The following GABRB1 variants were observed in gnomAD, a reference collection of about 807,000 sequenced individuals.
GABRB1 encodes the protein gamma-aminobutyric acid receptor subunit beta-1.
Under a neutral mutation model 51.6 loss-of-function variants are expected in GABRB1, and 17 were observed. The ratio of observed to expected loss-of-function variants is 0.33; its 90% CI spans 0.23 to 0.49. GABRB1 has a LOEUF of 0.49. Ranked by LOEUF, GABRB1 falls within the 20% of genes least tolerant of loss-of-function variation. The pLI, the probability that GABRB1 is intolerant of heterozygous loss-of-function variation, is 0.99. For synonymous variants in GABRB1, 247 were observed against 218.9 expected (o/e 1.13, Z -1.14); for missense variants, 410 against 600.6 (o/e 0.68, Z 3.32).
intron 1 of GABRB1, among the ~76,000 whole-genome samples, chr4:47,008,138 G>T (rs1363059203): frequency 1.3e-5 from 2 of 152,012 alleles, no homozygotes; most frequent in South Asian, 2.1e-4. Flanking sequence ...GTTGGTATTT[G>T]TTAGCAAGAA....
chr4:47,187,654 A>T (rs1719241055), intron 4 of GABRB1, among the ~76,000 whole-genome samples: 1 of 151,902 alleles, frequency 6.6e-6, no homozygotes, highest in South Asian at 2.1e-4. Flanking sequence ...GAGAAGTTAA[A>T]CCGTGTCACT....
In GABRB1 at chr4:47,037,721, T is replaced by C. The variant is rs148746891; in HGVS notation, c.240+5237T>C. On this transcript the variant is annotated intron_variant, in intron 3 of 8. Transcript: ENST00000295454. ...ATAGTAACTTACTGAACATTTTCCA[T>C]ATGTGAGGTATGGTTATCAGTGCTT... Among the ~76,000 whole-genome samples, 753 of 152,302 alleles carry C rather than the reference T, an allele frequency of 4.9e-3. 5 individuals carry two copies. The highest frequency in any genetic ancestry group is 0.014 in the Middle Eastern group (4 of 294).
At chr4:47,379,023 T>G (rs568999546) in intron 5 of GABRB1, among the ~76,000 whole-genome samples, 1 of 152,190 alleles carries the variant, frequency 6.6e-6, no homozygotes, top group Non-Finnish European at 1.5e-5. Flanking sequence ...TCCCTCATTA[T>G]ATTCAAGATA....
intron 3 of GABRB1, among the ~76,000 whole-genome samples, chr4:47,047,758 A>G (rs1027018131): frequency 1.3e-4 from 20 of 152,256 alleles, no homozygotes; most frequent in African/African-American, 4.6e-4. Context: ...CCATTTGCTG[A>G]TTTAATTCAT....
chr4:47,168,307 T>A (rs1021707060), intron 4 of GABRB1, among the ~76,000 whole-genome samples: 2 of 152,196 alleles, frequency 1.3e-5, no homozygotes, highest in African/African-American at 4.8e-5. Flanking sequence ...TTTTACTGTC[T>A]CATAATTTGT....
At chr4:47,364,798 G>T (rs776594981) in intron 5 of GABRB1, among the ~76,000 whole-genome samples, 1 of 151,822 alleles carries the variant, frequency 6.6e-6, no homozygotes, top group Non-Finnish European at 1.5e-5. Flanking sequence ...TAGAAGATGC[G>T]CATAAAATTC....
At chr4:47,229,636 G>A (rs565214654) in intron 4 of GABRB1, among the ~76,000 whole-genome samples, 6 of 152,124 alleles carry the variant, frequency 3.9e-5, no homozygotes, top group Non-Finnish European at 7.3e-5. Context: ...CAGATACTGT[G>A]ACTAAATTAA....
intron 4 of GABRB1, among the ~76,000 whole-genome samples, chr4:47,315,792 A>G (rs1206458498): frequency 6.6e-6 from 1 of 152,038 alleles, no homozygotes; most frequent in Non-Finnish European, 1.5e-5. Flanking sequence ...AGAAAACCAA[A>G]CACCACATGT....
At chr4:47,162,308 A>G (rs1717993024) in intron 4 of GABRB1, among the ~76,000 whole-genome samples, 1 of 152,074 alleles carries the variant, frequency 6.6e-6, no homozygotes, top group Admixed American at 6.6e-5. Context: ...GACATGCCCA[A>G]TGTGTAAAGG....
At chr4:47,141,214 A>C (rs1349633247) in intron 3 of GABRB1, among the ~76,000 whole-genome samples, 2 of 151,898 alleles carry the variant, frequency 1.3e-5, no homozygotes, top group Non-Finnish European at 2.9e-5. Context: ...TAAAATCTGG[A>C]ACTAGAAATC....
intron 3 of GABRB1, among the ~76,000 whole-genome samples, chr4:47,145,050 T>TAATCTCCCATTA (rs1717100054): frequency 6.6e-6 from 1 of 151,848 alleles, no homozygotes; most frequent in Non-Finnish European, 1.5e-5. Flanking sequence ...TAAGTAGAAT[T>TAATCTCCCATTA]TTGACCTTCA....
intron 4 of GABRB1, among the ~76,000 whole-genome samples, chr4:47,234,031 C>T (rs1203947832): frequency 6.6e-6 from 1 of 152,168 alleles, no homozygotes; most frequent in East Asian, 1.9e-4. Flanking sequence ...AAAATTTAAC[C>T]ACAGAATTTC....
chr4:47,227,363 A>T (rs754421091), intron 4 of GABRB1, among the ~76,000 whole-genome samples: 1 of 152,190 alleles, frequency 6.6e-6, no homozygotes, highest in African/African-American at 2.4e-5. Flanking sequence ...TCTGTTTCAT[A>T]TAGTTAACCA....
chr4:47,088,816 G>A (rs1401325444), intron 3 of GABRB1, among the ~76,000 whole-genome samples: 2 of 152,190 alleles, frequency 1.3e-5, no homozygotes, highest in Non-Finnish European at 2.9e-5. Flanking sequence ...GTCAGCCGTA[G>A]TTTATTCTAG....
At chr4:47,092,295 C>T (rs142299852) in intron 3 of GABRB1, among the ~76,000 whole-genome samples, 3,011 of 150,250 alleles carry the variant, frequency 0.02, 50 homozygotes, top group Middle Eastern at 0.034. Context: ...GTCTCAGCCT[C>T]CTAAATAGCT....
At chr4:47,321,024 T>G (rs1157992930) in intron 5 of GABRB1, among the ~76,000 whole-genome samples, 1 of 152,210 alleles carries the variant, frequency 6.6e-6, no homozygotes, top group Non-Finnish European at 1.5e-5. Context: ...GTCATGAAGA[T>G]TTAGTCTGAT....
chr4:47,019,796 C>A (rs1267831222), intron 1 of GABRB1, among the ~76,000 whole-genome samples: 1 of 149,770 alleles, frequency 6.7e-6, no homozygotes, highest in Non-Finnish European at 1.5e-5. Context: ...ACCTCTGCCT[C>A]CCAGGCTCAA....
chr4:47,293,561 T>A (rs1048193747), intron 4 of GABRB1, among the ~76,000 whole-genome samples: 17 of 152,282 alleles, frequency 1.1e-4, no homozygotes, highest in African/African-American at 3.4e-4. Flanking sequence ...TCTATAGATA[T>A]AGATATAAAC....
intron 4 of GABRB1, among the ~76,000 whole-genome samples, chr4:47,240,363 A>G (rs944871668): frequency 6.6e-6 from 1 of 152,212 alleles, no homozygotes; most frequent in African/African-American, 2.4e-5. Context: ...TACTTCTCTG[A>G]GAAACAAGAG....
Sources: allele counts gnomAD v4.1 joint callset (sites outside exome capture counted in the v4.1 genomes callset), GRCh38; gene constraint gnomAD v4.1.1; transcripts MANE v1.5; gene names NCBI Gene and HGNC (gene_info 2026-07-23, HGNC 2026-07-21).